UPP2: variants seen among roughly 807,000 people sequenced by gnomAD.
UPP2 encodes uridine phosphorylase 2.
Under a neutral mutation model 26.7 loss-of-function variants are expected in UPP2, and 23 were observed. That is an observed-to-expected ratio of 0.86 (90% CI 0.62 to 1.22). The LOEUF is 1.22. UPP2 is among the 50% of genes most tolerant of loss of function. The probability of loss-of-function intolerance (pLI) is 0.00; values close to 1 mark genes in which losing one functional copy is unlikely to be tolerated. For missense variants in UPP2, 387 were observed against 396.7 expected (o/e 0.98, Z 0.21); for synonymous variants, 127 against 141.3 (o/e 0.90, Z 0.72).
At chr2:158,092,022 C>T (rs933513955) in intron 3 of UPP2, among the ~76,000 whole-genome samples, 2 of 152,058 alleles carry the variant, frequency 1.3e-5, no homozygotes, top group African/African-American at 4.8e-5. Context: ...TAAGAGTGGT[C>T]AAGCACACCC....
At chr2:158,022,384 G>A (rs1046294579) in intron 3 of UPP2, among the ~76,000 whole-genome samples, 4 of 151,076 alleles carry the variant, frequency 2.6e-5, no homozygotes, top group Admixed American at 1.3e-4. Flanking sequence ...GCTTGAACCC[G>A]GGAGGCGGAC....
At chr2:158,127,077 CT>C (rs1683709197) in intron 6 of UPP2, among the ~76,000 whole-genome samples, 1 of 152,210 alleles carries the variant, frequency 6.6e-6, no homozygotes, top group African/African-American at 2.4e-5. Context: ...AGAAACAGAT[CT>C]TTCTAGATCT....
At chr2:158,008,784 A>G (rs1219567504) in intron 2 of UPP2, among the ~76,000 whole-genome samples, 2 of 152,172 alleles carry the variant, frequency 1.3e-5, no homozygotes, top group African/African-American at 4.8e-5. Flanking sequence ...TGATTGTTTC[A>G]GTCTTTGCAG....
chr2:158,118,650 A>G (rs1444528440), intron 4 of UPP2, among the ~76,000 whole-genome samples: 2 of 152,080 alleles, frequency 1.3e-5, no homozygotes, highest in African/African-American at 4.8e-5. Context: ...CCATGTCACC[A>G]AAGTGCAAAT....
At chr2:158,037,784 C>T (rs536789367) in intron 3 of UPP2, among the ~76,000 whole-genome samples, 47 of 146,946 alleles carry the variant, frequency 3.2e-4, no homozygotes, top group Admixed American at 6.4e-4. Context: ...TCTGCAACGA[C>T]CCTATTTCCA....
At chr2:158,035,585 G>A (rs982172590) in intron 3 of UPP2, among the ~76,000 whole-genome samples, 5 of 152,156 alleles carry the variant, frequency 3.3e-5, no homozygotes, top group African/African-American at 1.2e-4. Flanking sequence ...TATTAATTGG[G>A]CACCATACCC....
chr2:158,041,047 C>G (rs1190228429), intron 3 of UPP2, among the ~76,000 whole-genome samples: 1 of 152,146 alleles, frequency 6.6e-6, no homozygotes, highest in Non-Finnish European at 1.5e-5. Context: ...GTGCTAATAG[C>G]TGCTTAGCCT....
chr2:158,058,213 A>C (rs1177865033), intron 3 of UPP2, among the ~76,000 whole-genome samples: 2 of 151,412 alleles, frequency 1.3e-5, no homozygotes, highest in Admixed American at 1.3e-4. Context: ...GAATGGCATG[A>C]ACCCAGGAGG....
chr2:158,051,506 G>A (rs993199821), intron 3 of UPP2, among the ~76,000 whole-genome samples: 6 of 151,340 alleles, frequency 4.0e-5, no homozygotes, highest in African/African-American at 1.5e-4. Flanking sequence ...TACATGGTCA[G>A]GGGCGGTGGC....
chr2:158,050,014 T>C (rs1462617946), intron 3 of UPP2, among the ~76,000 whole-genome samples: 1 of 152,264 alleles, frequency 6.6e-6, no homozygotes, highest in Non-Finnish European at 1.5e-5. Context: ...GTGATTCATT[T>C]TTTATTTCTA....
intron 3 of UPP2, among the ~76,000 whole-genome samples, chr2:158,045,033 C>T (rs1268186696): frequency 1.3e-5 from 2 of 152,152 alleles, no homozygotes; most frequent in African/African-American, 4.8e-5. Flanking sequence ...TTGCAATTTT[C>T]CACCTTTCCA....
chr2:158,042,201 T>A (rs1322369520), intron 3 of UPP2, among the ~76,000 whole-genome samples: 3 of 152,176 alleles, frequency 2.0e-5, no homozygotes, highest in Admixed American at 6.5e-5. Context: ...GTGGAGCATC[T>A]CACCCCTTCC....
At chr2:158,031,523 A>C (rs1683920751) in intron 3 of UPP2, among the ~76,000 whole-genome samples, 1 of 152,178 alleles carries the variant, frequency 6.6e-6, no homozygotes, top group South Asian at 2.1e-4. Flanking sequence ...AGGAGTGCAG[A>C]GATCTGGGAA....
At chr2:158,034,760 C>A (rs1683974970) in intron 3 of UPP2, among the ~76,000 whole-genome samples, 1 of 152,200 alleles carries the variant, frequency 6.6e-6, no homozygotes, top group Admixed American at 6.5e-5. Context: ...GAGCATGAAC[C>A]ATTTCTGGCT....
chr2:158,051,157 ATGTGTGTGTGTGTGTG>A (rs57745839), intron 3 of UPP2, among the ~76,000 whole-genome samples: 2,137 of 145,070 alleles, frequency 0.015, 24 homozygotes, highest in Non-Finnish European at 0.017. Context: ...CTCTAGGAAT[ATGTGTGTGTGTGTGTG>A]TGTGTGTGTG....
At chr2:158,062,070 T>G (rs746588718) in intron 3 of UPP2, among the ~76,000 whole-genome samples, 1 of 152,242 alleles carries the variant, frequency 6.6e-6, no homozygotes. Context: ...AGCAATAGTA[T>G]TGAATAATTG....
chr2:158,106,257 C>T (rs1177894257), intron 2 of UPP2, 41 bp downstream of exon 2: 1 of 1,569,362 alleles, frequency 6.4e-7, no homozygotes, highest in Non-Finnish European at 8.7e-7. Flanking sequence ...ATTGAGTTTT[C>T]TCTACTAATT....
At chr2:158,011,433 G>C (rs1426854485) in intron 2 of UPP2, among the ~76,000 whole-genome samples, 2 of 152,082 alleles carry the variant, frequency 1.3e-5, no homozygotes, top group Non-Finnish European at 2.9e-5. Context: ...TGGGCTCATG[G>C]CTCTCTAACT....
chr2:158,074,013 A>C (rs1035363404), intron 3 of UPP2, among the ~76,000 whole-genome samples: 1 of 152,078 alleles, frequency 6.6e-6, no homozygotes, highest in South Asian at 2.1e-4. Context: ...TGTCTCTCCA[A>C]ATTTTTATTT....
Sources: allele counts gnomAD v4.1 joint callset (sites outside exome capture counted in the v4.1 genomes callset), GRCh38; gene constraint gnomAD v4.1.1; transcripts MANE v1.5; gene names NCBI Gene and HGNC (gene_info 2026-07-23, HGNC 2026-07-21).